CRB1: variants seen among roughly 807,000 people sequenced by gnomAD.
CRB1 encodes protein crumbs homolog 1.
CRB1 carries 83 observed loss-of-function variants against 120.0 expected under a neutral mutation model. That is an observed-to-expected ratio of 0.69 (90% CI 0.58 to 0.83). The LOEUF (loss-of-function observed/expected upper bound fraction) is 0.83, where lower values mean the gene tolerates loss of function less well. CRB1 is among the 40% of genes least tolerant of loss of function. The probability of loss-of-function intolerance (pLI) is 0.00; values close to 1 mark genes in which losing one functional copy is unlikely to be tolerated. For missense variants in CRB1, 1,699 were observed against 1,687.6 expected, an observed-to-expected ratio of 1.01 and a Z score of -0.12; for synonymous variants, 625 against 612.5, an observed-to-expected ratio of 1.02 and a Z score of -0.30.
chr1:197,460,539 A>G (rs188063341), intron 11 of CRB1, among the ~76,000 whole-genome samples: 1 of 152,164 alleles, frequency 6.6e-6, no homozygotes, highest in South Asian at 2.1e-4. Context: ...ATATTAGGCC[A>G]TAATGATCAC....
the CRB1 span, among the ~76,000 whole-genome samples, chr1:197,244,929 T>C: frequency 6.6e-6 from 1 of 152,052 alleles, no homozygotes; most frequent in Non-Finnish European, 1.5e-5. Context: ...TCACTGCTTT[T>C]TTCCTCTGTT....
In CRB1 at chr1:197,425,229, A is replaced by G. The variant is rs554848164; in HGVS notation, c.2129-2225A>G. Among the ~76,000 whole-genome samples, 15 of 152,298 alleles carry G rather than the reference A, an allele frequency of 9.8e-5. No homozygotes were observed. In the South Asian group the frequency reaches 2.7e-3, roughly 27 times the overall value. Reference sequence around the variant, plus strand: ...GTATTCAGAGATGTTAACCTCTTCAAAGGGGTTATTTTATCTAACAGTACA... The same window carrying G: ...GTATTCAGAGATGTTAACCTCTTCAGAGGGGTTATTTTATCTAACAGTACA... On this transcript the variant is annotated intron_variant, in intron 6 of 11. Transcript: ENST00000367400.
In CRB1 at chr1:197,429,441, C is replaced by T. The variant is rs73071678; in HGVS notation, c.2677-8C>T. The T allele has an allele frequency of 1.7e-3, 2,773 of 1,613,870 alleles. 49 individuals carry two copies. The African/African-American group carries it at 0.032, about 18-fold the overall frequency. On this transcript the variant is annotated splice_polypyrimidine_tract_variant and splice_region_variant and intron_variant, in intron 7 of 11. Transcript: ENST00000367400. ...GCTTTTTATACCTTTGATTTCTTTT[C>T]TGCTCAGTCCAACCCCTGTCACAAT...
chr1:197,246,253 T>C, the CRB1 span, among the ~76,000 whole-genome samples: 1 of 152,106 alleles, frequency 6.6e-6, no homozygotes, highest in Admixed American at 6.6e-5. Flanking sequence ...CACAGTTCTT[T>C]CTGTGGTGTT....
intron 2 of CRB1, among the ~76,000 whole-genome samples, chr1:197,329,794 C>T (rs1390344854): frequency 5.9e-5 from 9 of 152,184 alleles, no homozygotes; most frequent in Admixed American, 2.6e-4. Flanking sequence ...CTAGCCTATG[C>T]TTTCTCACAT....
intron 5 of CRB1, among the ~76,000 whole-genome samples, chr1:197,405,493 G>T (rs929134243): frequency 6.6e-6 from 1 of 151,884 alleles, no homozygotes; most frequent in African/African-American, 2.4e-5. Context: ...CTGCCCGGCC[G>T]CCACCCCGTC....
At chr1:197,270,780 G>C (rs2125197754) in intron 1 of CRB1, among the ~76,000 whole-genome samples, 1 of 152,280 alleles carries the variant, frequency 6.6e-6, no homozygotes, top group East Asian at 1.9e-4. Context: ...CTGGAGATCT[G>C]GCTCTGGAGT....
upstream of CRB1, among the ~76,000 whole-genome samples, chr1:197,263,708 A>T (rs1038654938): frequency 6.6e-6 from 1 of 152,016 alleles, no homozygotes; most frequent in Non-Finnish European, 1.5e-5. Context: ...CTTCTGAGAT[A>T]GAACTTTCTA....
At chr1:197,316,924 A>C (rs1216591367) in intron 1 of CRB1, among the ~76,000 whole-genome samples, 16 of 149,658 alleles carry the variant, frequency 1.1e-4, no homozygotes, top group Admixed American at 2.0e-4. Flanking sequence ...AAAAAAAAAC[A>C]AAAAAAAACC....
chr1:197,219,070 A>G, the CRB1 span, among the ~76,000 whole-genome samples: 1 of 152,192 alleles, frequency 6.6e-6, no homozygotes, highest in African/African-American at 2.4e-5. Context: ...AAGTGCTGGT[A>G]GGTTTGTCAT....
intron 5 of CRB1, among the ~76,000 whole-genome samples, chr1:197,385,433 A>ACG (rs1662165354): frequency 3.9e-5 from 6 of 152,088 alleles, no homozygotes; most frequent in African/African-American, 1.4e-4. Context: ...TCTAATATGT[A>ACG]AGATATTAAA....
At chr1:197,277,290 T>C (rs1303600427) in intron 1 of CRB1, among the ~76,000 whole-genome samples, 1 of 151,986 alleles carries the variant, frequency 6.6e-6, no homozygotes, top group Non-Finnish European at 1.5e-5. Flanking sequence ...TCCACGTAAT[T>C]GTCCTGATAA....
chr1:197,451,479 A>G (rs1227693694), intron 11 of CRB1, among the ~76,000 whole-genome samples: 5 of 152,214 alleles, frequency 3.3e-5, no homozygotes, highest in African/African-American at 1.2e-4. Context: ...TAGTAAAGAA[A>G]TGTTTGAGAA....
chr1:197,294,422 G>A (rs546083598), intron 1 of CRB1, among the ~76,000 whole-genome samples: 69 of 152,250 alleles, frequency 4.5e-4, no homozygotes, highest in African/African-American at 1.4e-3. Context: ...GTGCTGGAGA[G>A]GATGTGGAGA....
At chr1:197,211,729 A>G in the CRB1 span, among the ~76,000 whole-genome samples, 1 of 152,262 alleles carries the variant, frequency 6.6e-6, no homozygotes, top group African/African-American at 2.4e-5. Context: ...GGAAAAATCC[A>G]TATTATGAAT....
the CRB1 span, among the ~76,000 whole-genome samples, chr1:197,215,924 T>C: frequency 6.6e-6 from 1 of 152,240 alleles, no homozygotes; most frequent in Admixed American, 6.5e-5. Context: ...ATTTAATCTA[T>C]TGGAACATAT....
At chr1:197,406,125 G>A (rs1318540887) in intron 5 of CRB1, among the ~76,000 whole-genome samples, 3 of 152,252 alleles carry the variant, frequency 2.0e-5, no homozygotes, top group Admixed American at 2.0e-4. Context: ...CGGTTTTGTG[G>A]AATGGAAAGG....
chr1:197,247,280 A>G, the CRB1 span, among the ~76,000 whole-genome samples: 1 of 151,978 alleles, frequency 6.6e-6, no homozygotes, highest in African/African-American at 2.4e-5. Context: ...GTTTCCACAA[A>G]TATTTTTTAT....
intron 4 of CRB1, among the ~76,000 whole-genome samples, chr1:197,353,811 A>T (rs1272389262): frequency 1.1e-4 from 12 of 108,064 alleles, no homozygotes; most frequent in African/African-American, 4.6e-4. Flanking sequence ...AAAAATATAT[A>T]AATAAAAAAA....
Sources: gnomAD v4.1 joint callset for allele counts (sites outside exome capture counted in the v4.1 genomes callset) on GRCh38, gnomAD v4.1.1 for gene constraint, MANE v1.5 for transcripts, NCBI Gene and HGNC (gene_info 2026-07-23, HGNC 2026-07-21) for gene names.